The following PSMC6 variants were observed in gnomAD, a reference collection of about 807,000 sequenced individuals.
PSMC6 encodes proteasome 26S subunit, ATPase 6.
In PSMC6, 3 loss-of-function variants were observed where a neutral mutation model predicts 55.9. That is an observed-to-expected ratio of 0.05 (90% confidence interval 0.02 to 0.14). PSMC6 has a LOEUF of 0.14. Among genes scored for constraint, PSMC6 ranks in the 10% least tolerant of loss-of-function variants. The pLI is 1.00. For missense variants in PSMC6, 210 were observed against 478.7 expected (o/e 0.44, Z 5.24); for synonymous variants, 137 against 155.9 (o/e 0.88, Z 0.90).
chr14:52,725,941 A>G (rs1375047746), intron 13 of PSMC6, among the ~76,000 whole-genome samples: 2 of 152,220 alleles, frequency 1.3e-5, no homozygotes, highest in Admixed American at 1.3e-4. Flanking sequence ...AAACTTTGTT[A>G]TTTTTTAAAA....
chr14:52,726,636 GATTTT>G (rs754367052), intron 13 of PSMC6, among the ~76,000 whole-genome samples: 1 of 151,972 alleles, frequency 6.6e-6, no homozygotes, highest in East Asian at 1.9e-4. Flanking sequence ...ATTTAAGCCT[GATTTT>G]ATTTTATTTT....
chr14:52,719,846 A>G (rs900550520), intron 10 of PSMC6, among the ~76,000 whole-genome samples: 48 of 152,180 alleles, frequency 3.2e-4, no homozygotes, highest in African/African-American at 1.1e-3. Context: ...AAATGCAGTA[A>G]GGTTTTTCAT....
At chr14:52,723,735 T>C in intron 12 of PSMC6, 1 of 952,160 alleles carries the variant, frequency 1.1e-6, no homozygotes. Flanking sequence ...TTTGAGATTT[T>C]GGTGATATTT....
At chr14:52,721,380 T>G (rs2041888707) in intron 12 of PSMC6, 190 bp downstream of exon 12, 4 of 505,436 alleles carry the variant, frequency 7.9e-6, no homozygotes, top group Non-Finnish European at 1.4e-5. Context: ...GGGCTGACAA[T>G]ATAGCAAGGA....
At position 52,713,901 on chromosome 14, in the gene PSMC6, A is replaced by G. The variant is rs756997436; in HGVS notation, c.462A>G (p.Thr154=). Residue 154 remains threonine (T), a synonymous_variant, in exon 7 of 14, where the codon ACA becomes ACG. Coordinates refer to ENST00000445930, the MANE Select transcript of PSMC6 (RefSeq NM_002806.5). ...TCTAGGTGATAGAATTACCTCTTAC[A>G]AACCCAGAGTTATTTCAGCGTGTAG... The part of the protein sequence containing the change: ...ELREVIELPL[T]NPELFQRVGI... 1 of 1,596,414 alleles carries G rather than the reference A, an allele frequency of 6.3e-7. No individual in the cohort carries two copies. Among genetic ancestry groups the G allele is most frequent in the Non-Finnish European group, 8.6e-7 (1 of 1,167,946 alleles).
intron 1 of PSMC6, 161 bp downstream of exon 1, chr14:52,707,465 A>AGC: frequency 1.1e-6 from 1 of 942,044 alleles, no homozygotes; most frequent in Non-Finnish European, 1.6e-6. Flanking sequence ...CTTGTGGAGC[A>AGC]GCACTCCTTC....
intron 13 of PSMC6, 137 bp downstream of exon 13, chr14:52,724,173 G>A (rs1880314136): frequency 1.4e-6 from 1 of 728,358 alleles, no homozygotes; most frequent in Admixed American, 2.9e-5. Context: ...ATCGATTCCA[G>A]GAAATAGGAG....
intron 10 of PSMC6, among the ~76,000 whole-genome samples, chr14:52,719,966 TG>T (rs2041870560): frequency 6.6e-6 from 1 of 152,168 alleles, no homozygotes; most frequent in Admixed American, 6.5e-5. Flanking sequence ...GGCTTCTGCC[TG>T]TAATCCCAGC....
chr14:52,715,125 G>T (rs1212622933), intron 7 of PSMC6, among the ~76,000 whole-genome samples: 1 of 97,312 alleles, frequency 1.0e-5, no homozygotes, highest in African/African-American at 4.3e-5. Context: ...CCACATACTT[G>T]CAGTGTAAAA....
chr14:52,724,134 G>A (rs1880313072), intron 13 of PSMC6, 98 bp downstream of exon 13: 1 of 1,146,208 alleles, frequency 8.7e-7, no homozygotes, highest in East Asian at 2.4e-5. Flanking sequence ...GACTTTGCAA[G>A]GATTTGGGTT....
chr14:52,715,827 G>A (rs1307226402), intron 7 of PSMC6, among the ~76,000 whole-genome samples: 1 of 151,994 alleles, frequency 6.6e-6, no homozygotes, highest in Non-Finnish European at 1.5e-5. Flanking sequence ...ATGTTGCCCA[G>A]GCTGGTCTTG....
intron 7 of PSMC6, among the ~76,000 whole-genome samples, chr14:52,716,582 C>T (rs372442297): frequency 2.0e-5 from 3 of 152,026 alleles, no homozygotes; most frequent in Non-Finnish European, 2.9e-5. Context: ...GGAGAAACCC[C>T]GTCTCTGCTG....
intron 7 of PSMC6, 88 bp downstream of exon 7, chr14:52,714,056 T>C: frequency 1.1e-6 from 1 of 916,524 alleles, no homozygotes; most frequent in Non-Finnish European, 1.6e-6. Context: ...TTTTTATTTT[T>C]TTGAGACACG....
chr14:52,721,182 G>A lies in PSMC6; in HGVS notation c.971G>A (p.Gly324Asp). 1.3e-6 allele frequency: 2 copies of A among 1,577,836 alleles called. No individual in the cohort carries two copies. Among genetic ancestry groups the A allele is most frequent in the East Asian group, 2.2e-5 (1 of 44,506 alleles). The part of the protein sequence containing the change: ...KIHAGPITKH[G>D]EIDYEAIVKL... The stretch of plus-strand genomic sequence containing the variant: ...CATGCAGGTCCCATTACAAAGCATG[G>A]TGAAATAGGTAAGGAAGTCATCTAT... The change falls in exon 12 of 14, where the codon GGT (glycine) becomes GAT (aspartate). Residue 324 changes from glycine to aspartate, a missense_variant. Coordinates refer to ENST00000445930, the MANE Select transcript of PSMC6 (RefSeq NM_002806.5).
chr14:52,713,495 T>C (rs989204568), intron 6 of PSMC6, among the ~76,000 whole-genome samples: 4 of 152,238 alleles, frequency 2.6e-5, no homozygotes, highest in Admixed American at 6.5e-5. Flanking sequence ...TTTTGAGTTG[T>C]GTTTTTTGTT....
intron 1 of PSMC6, among the ~76,000 whole-genome samples, chr14:52,707,686 AGTCGGCTT>A (rs2041718819): frequency 6.6e-6 from 1 of 152,186 alleles, no homozygotes; most frequent in Non-Finnish European, 1.5e-5. Context: ...AGACTCAGGG[AGTCGGCTT>A]GTTCTTGGAG....
chr14:52,720,430 C>T (rs1461863810), intron 10 of PSMC6, among the ~76,000 whole-genome samples: 5 of 126,944 alleles, frequency 3.9e-5, no homozygotes, highest in African/African-American at 5.9e-5. Flanking sequence ...GTAGAAAAAT[C>T]TTTGTATCCA....
At chr14:52,707,344 CT>C (rs1243768600) in intron 1 of PSMC6, 40 bp downstream of exon 1, 23 of 1,610,682 alleles carry the variant, frequency 1.4e-5, no homozygotes, top group Non-Finnish European at 1.6e-5. Context: ...AGTGCCTCGA[CT>C]CGCTTCTGCC....
At chr14:52,722,876 C>T (rs986069717) in intron 12 of PSMC6, 2 of 152,138 alleles carry the variant, frequency 1.3e-5, no homozygotes, top group East Asian at 3.9e-4. Context: ...GCAAAGCATA[C>T]AGTATTTACT....
Sources: gnomAD v4.1 joint callset for allele counts (sites outside exome capture counted in the v4.1 genomes callset) on GRCh38, gnomAD v4.1.1 for gene constraint, MANE v1.5 for transcripts, NCBI Gene and HGNC (gene_info 2026-07-23, HGNC 2026-07-21) for gene names.